Variants in TBCCD1 observed in about 807,000 individuals in gnomAD.
TBCCD1 encodes TBCC domain containing 1.
TBCCD1 carries 26 observed loss-of-function variants against 53.4 expected under a neutral mutation model. The observed-to-expected ratio is 0.49, with a 90% CI of 0.36 to 0.68. The LOEUF is 0.68. TBCCD1 is among the 30% of genes least tolerant of loss of function. The probability of loss-of-function intolerance (pLI) is 0.00; values close to 1 mark genes in which losing one functional copy is unlikely to be tolerated. For missense variants in TBCCD1, 558 were observed against 669.5 expected (o/e 0.83, Z 1.84); for synonymous variants, 245 against 241.7 (o/e 1.01, Z -0.13).
In TBCCD1 at chr3:186,546,187, T is replaced by C. The variant is rs1464243236; in HGVS notation, c.*790A>G. On this transcript the variant is annotated 3_prime_UTR_variant, in exon 8 of 8. Transcript: ENST00000338733. ...AATATAGTATAAAACTATTTCTATG[T>C]CTATATACCAACAAATCATACTTCC... 6.6e-6 allele frequency: 1 copy of C among 152,216 alleles called. No individual in the cohort carries two copies. Among genetic ancestry groups the C allele is most frequent in the Non-Finnish European group, 1.5e-5 (1 of 68,034 alleles). 9.4% of individuals were successfully genotyped at this position (152,216 alleles called of 1,614,324 possible).
chr3:186,552,099 CAG>C (rs1714398220), intron 6 of TBCCD1, among the ~76,000 whole-genome samples: 1 of 152,084 alleles, frequency 6.6e-6, no homozygotes, highest in Non-Finnish European at 1.5e-5. Flanking sequence ...AATGTTATTT[CAG>C]AGAAAGAATG....
chr3:186,551,172 C>G lies in TBCCD1; in HGVS notation c.1652G>C (p.Gly551Ala), dbSNP rs570132567. The G allele has an allele frequency of 6.2e-7, 1 of 1,611,822 alleles. No individual in the cohort carries two copies. Among genetic ancestry groups the G allele is most frequent in the South Asian group, 1.1e-5 (1 of 90,906 alleles). ...TCCTTATCCAGCTGCTTGTTTGGAG[C>G]CTGCTGCAGGGGGTACAAGGCTGTC... ...QLDSLVPPAA[G>A]SKQAAG is the part of the protein sequence containing the mutation. Residue 551 changes from glycine (G) to alanine (A), a missense_variant, in exon 7 of 8, where the codon GGC becomes GCC. By Grantham distance (60) the Gly-to-Ala change is moderately conservative (BLOSUM62 0). Coordinates refer to ENST00000338733, the MANE Select transcript of TBCCD1 (RefSeq NM_018138.5).
At position 186,554,901 on chromosome 3, in the gene TBCCD1, A is replaced by G; in HGVS notation, c.1043T>C (p.Leu348Ser). ...NESFIYLLSP[L>S]RSVTIEKCRN... ...ACACCATGAAAACTGTGCTTACCGT[A>G]AGGGAGAGAGCAGATATATAAAAGA... The change falls in exon 5 of 8, where the codon TTA becomes TCA. Residue 348 changes from leucine (L) to serine (S), a missense_variant. Transcript: ENST00000338733. 6.2e-7 allele frequency: 1 copy of G among 1,613,464 alleles called. No homozygotes were observed.
chr3:186,546,791 A>AC lies in TBCCD1; in HGVS notation c.*185dup, dbSNP rs1432744600. ...GCTTGCAGTGAGCCGAGATCGCGCC[A>AC]CTGCACTCCAGCCTGGGCGACAGAA... On this transcript the variant is annotated 3_prime_UTR_variant, in exon 8 of 8. Coordinates refer to ENST00000338733, the MANE Select transcript of TBCCD1 (RefSeq NM_018138.5). 6.7e-6 allele frequency: 1 copy of AC among 149,956 alleles called. No individual in the cohort carries two copies. Among genetic ancestry groups the AC allele is most frequent in the Non-Finnish European group, 1.5e-5 (1 of 67,784 alleles). 9.3% of individuals were successfully genotyped at this position (149,956 alleles called of 1,614,324 possible). A position where few individuals can be genotyped will look rare whatever the true frequency, so the allele number is the denominator to read the frequency against.
intron 2 of TBCCD1, among the ~76,000 whole-genome samples, chr3:186,559,481 T>C (rs1714635905): frequency 6.6e-6 from 1 of 152,174 alleles, no homozygotes; most frequent in Admixed American, 6.5e-5. Flanking sequence ...AGGGTGTGGT[T>C]GAAGCTCACG....
chr3:186,551,877 T>C (rs1175812530), intron 6 of TBCCD1, among the ~76,000 whole-genome samples: 1 of 152,112 alleles, frequency 6.6e-6, no homozygotes. Context: ...CTCGGGAGGC[T>C]GAGGCAGGAA....
chr3:186,559,716 C>T (rs1353457119), intron 2 of TBCCD1, among the ~76,000 whole-genome samples: 2 of 152,126 alleles, frequency 1.3e-5, no homozygotes, highest in Non-Finnish European at 2.9e-5. Context: ...TAAATTTTTA[C>T]TTTCTTAATT....
intron 7 of TBCCD1, among the ~76,000 whole-genome samples, chr3:186,550,854 G>T (rs768187432): frequency 6.6e-6 from 1 of 152,134 alleles, no homozygotes; most frequent in Non-Finnish European, 1.5e-5. Flanking sequence ...GGGGAATGTG[G>T]TATCTTTGGA....
At chr3:186,565,607 T>C (rs541555819) in intron 1 of TBCCD1, among the ~76,000 whole-genome samples, 1 of 152,284 alleles carries the variant, frequency 6.6e-6, no homozygotes, top group South Asian at 2.1e-4. Flanking sequence ...ATAGGCAAAA[T>C]ACTGATCATT....
chr3:186,548,640 A>G (rs904650756), intron 7 of TBCCD1, among the ~76,000 whole-genome samples: 1 of 152,218 alleles, frequency 6.6e-6, no homozygotes, highest in African/African-American at 2.4e-5. Flanking sequence ...ATATTCTTTC[A>G]AAGATTGTTA....
At chr3:186,567,605 A>G (rs764563412), upstream of TBCCD1, 1 of 152,286 alleles carries the variant, frequency 6.6e-6, no homozygotes, top group African/African-American at 2.4e-5. Flanking sequence ...TGGTAAGATC[A>G]GCACGCTTTC....
chr3:186,564,064 T>A lies in TBCCD1; in HGVS notation c.266A>T (p.Glu89Val). The A allele has an allele frequency of 6.2e-7, 1 of 1,614,200 alleles. No homozygotes were observed. The highest frequency in any genetic ancestry group is 8.5e-7 in the Non-Finnish European group (1 of 1,180,042). Residue 89 changes from glutamate to valine, a missense_variant, in exon 2 of 8, where the codon GAG becomes GTG. Transcript: ENST00000338733. ...CAGAACCTCAGACCATTCCAGGCGC[T>A]CCTCAGGTGTCTTCATTGAAAGACT... is the stretch of plus-strand genomic sequence containing the variant. Reference protein sequence around the residue: ...FDSLSMKTPEERLEWSEVLSN... With the variant: ...FDSLSMKTPEVRLEWSEVLSN...
intron 7 of TBCCD1, among the ~76,000 whole-genome samples, chr3:186,550,248 C>G (rs1714333428): frequency 7.4e-6 from 1 of 134,668 alleles, no homozygotes; most frequent in Non-Finnish European, 1.6e-5. Flanking sequence ...AAAAAAAAAA[C>G]TTTAAACTAA....
chr3:186,547,317 G>A (rs926069352), intron 7 of TBCCD1, among the ~76,000 whole-genome samples: 3 of 150,970 alleles, frequency 2.0e-5, no homozygotes, highest in African/African-American at 4.9e-5. Flanking sequence ...GAATACAGCA[G>A]TGCAATCATA....
At position 186,555,166 on chromosome 3, in the gene TBCCD1, T is replaced by C. The variant is rs868144323; in HGVS notation, c.860-82A>G. 2.2e-4 allele frequency: 289 copies of C among 1,319,866 alleles called. 2 individuals carry two copies. The Admixed American group carries it at 2.6e-3, about 12-fold the overall frequency. 81.8% of individuals were successfully genotyped at this position (1,319,866 alleles called of 1,614,324 possible). ...AAACATATGAGGTTACACGTCTACA[T>C]GTATATATGTCTCAAATTAGATACC... On this transcript the variant is annotated intron_variant, in intron 4 of 7. Coordinates refer to ENST00000338733, the MANE Select transcript of TBCCD1 (RefSeq NM_018138.5).
At chr3:186,554,841 C>A (rs1010284189) in intron 5 of TBCCD1, 57 bp downstream of exon 5, 1 of 1,597,822 alleles carries the variant, frequency 6.3e-7, no homozygotes, top group Admixed American at 1.8e-5. Flanking sequence ...AAAAAAGAAT[C>A]AGTCACAGTC....
At chr3:186,554,215 C>A (rs776913019) in intron 6 of TBCCD1, 39 bp downstream of exon 6, 5 of 1,599,930 alleles carry the variant, frequency 3.1e-6, no homozygotes, top group Non-Finnish European at 4.2e-6. Context: ...CATGGAGTTT[C>A]ACAAAAAACA....
intron 7 of TBCCD1, 86 bp from the exon 8 acceptor site, chr3:186,547,041 C>G (rs1714233905): frequency 1.3e-5 from 2 of 151,974 alleles, no homozygotes; most frequent in South Asian, 4.1e-4. Context: ...TTTAAAAAAT[C>G]ACATAAATTA....
At position 186,554,625 on chromosome 3, in the gene TBCCD1, A is replaced by G; in HGVS notation, c.1173T>C (p.Ser391=). Reference sequence around the variant, plus strand: ...GAACGTGAAAGATGCAACCTGTTGTAGAAGAGATGGACAAACGATGGCAAA... The same window carrying G: ...GAACGTGAAAGATGCAACCTGTTGTGGAAGAGATGGACAAACGATGGCAAA... ...IAVCHRLSIS[S]TTGCIFHVLT... The change falls in exon 6 of 8, where the codon TCT becomes TCC. Residue 391 remains serine, a synonymous_variant. Transcript: ENST00000338733. 6.2e-7 allele frequency: 1 copy of G among 1,614,182 alleles called. No homozygotes were observed.
Sources: allele counts gnomAD v4.1 joint callset (sites outside exome capture counted in the v4.1 genomes callset), GRCh38; gene constraint gnomAD v4.1.1; transcripts MANE v1.5; gene names NCBI Gene and HGNC (gene_info 2026-07-23, HGNC 2026-07-21).